Variants in MSN observed in about 807,000 individuals in gnomAD.
MSN encodes moesin, also known as epididymis luminal protein 70.
Under a neutral mutation model 48.0 loss-of-function variants are expected in MSN, and 2 were observed. That is an observed-to-expected ratio of 0.04 (90% CI 0.02 to 0.13). The LOEUF (loss-of-function observed/expected upper bound fraction) is 0.13, where lower values mean the gene tolerates loss of function less well. MSN is among the 10% of genes least tolerant of loss of function. The probability of loss-of-function intolerance (pLI) is 1.00; values close to 1 mark genes in which losing one functional copy is unlikely to be tolerated. For missense variants in MSN, 267 were observed against 470.1 expected, an observed-to-expected ratio of 0.57 and a Z score of 3.99; for synonymous variants, 146 against 166.9, an observed-to-expected ratio of 0.87 and a Z score of 0.97.
At chrX:65,651,509 T>C (rs1174447880) in intron 1 of MSN, among the ~76,000 whole-genome samples, 6 of 107,599 alleles carry the variant, frequency 5.6e-5, no homozygotes, top group African/African-American at 2.0e-4. Context: ...GGTGCTCTTT[T>C]TGTGGGGGAT....
At chrX:65,594,227 C>T (rs1029763470) in intron 1 of MSN, among the ~76,000 whole-genome samples, 24 of 111,764 alleles carry the variant, frequency 2.1e-4, no homozygotes, top group Non-Finnish European at 4.0e-4. Context: ...TTTAGAGAAG[C>T]GGGGGAATTT....
chrX:65,629,896 C>T (rs1408708719), intron 1 of MSN, among the ~76,000 whole-genome samples: 1 of 111,647 alleles, frequency 9.0e-6, no homozygotes, highest in Admixed American at 9.5e-5. Context: ...GTGTACAATT[C>T]ACTCAGGCGA....
At chrX:65,676,182 C>T (rs992867169) in intron 1 of MSN, among the ~76,000 whole-genome samples, 9 of 111,591 alleles carry the variant, frequency 8.1e-5, no homozygotes, top group African/African-American at 2.0e-4. Context: ...AGGAGTATGA[C>T]GTTTTCTGGC....
chrX:65,672,634 TTCTTC>T (rs1323348903), intron 1 of MSN, among the ~76,000 whole-genome samples: 1 of 111,828 alleles, frequency 8.9e-6, no homozygotes, highest in East Asian at 2.8e-4. Context: ...CTGAGAATTT[TTCTTC>T]TCTTTCCATA....
chrX:65,694,250 A>G (rs1310106504), intron 1 of MSN, among the ~76,000 whole-genome samples: 1 of 111,213 alleles, frequency 9.0e-6, no homozygotes, highest in Non-Finnish European at 1.9e-5. Flanking sequence ...CTCTTTAAGG[A>G]TTTGAGATCA....
chrX:65,589,857 T>C, intron 1 of MSN: 1 of 91,335 alleles, frequency 1.1e-5, no homozygotes, highest in Non-Finnish European at 1.9e-5. Context: ...TTCTTTTCTT[T>C]CTTTCTTTCT....
chrX:65,694,885 G>A (rs1334414403), intron 1 of MSN, among the ~76,000 whole-genome samples: 1 of 112,011 alleles, frequency 8.9e-6, no homozygotes, highest in Non-Finnish European at 1.9e-5. Context: ...AGAAAGGATG[G>A]TTATGGGGTG....
chrX:65,710,366 G>A (rs1321958471), intron 1 of MSN, among the ~76,000 whole-genome samples: 1 of 111,615 alleles, frequency 9.0e-6, no homozygotes, highest in Non-Finnish European at 1.9e-5. Flanking sequence ...CTTAAACATT[G>A]TGTTCCATTA....
chrX:65,683,671 T>C (rs1569461994), intron 1 of MSN, among the ~76,000 whole-genome samples: 1 of 110,988 alleles, frequency 9.0e-6, no homozygotes, highest in South Asian at 3.7e-4. Context: ...ACTTTTCCCA[T>C]CTGTTTTTTT....
At chrX:65,655,841 A>G (rs1310021742) in intron 1 of MSN, among the ~76,000 whole-genome samples, 1 of 112,227 alleles carries the variant, frequency 8.9e-6, no homozygotes, top group Admixed American at 9.4e-5. Context: ...ACCTTGGCTC[A>G]CTATAACCTC....
At chrX:65,708,607 C>T (rs756540417) in intron 1 of MSN, among the ~76,000 whole-genome samples, 2 of 111,075 alleles carry the variant, frequency 1.8e-5, no homozygotes, top group Non-Finnish European at 3.8e-5. Flanking sequence ...GTTTAACTTT[C>T]TGTGCCTGGC....
intron 1 of MSN, among the ~76,000 whole-genome samples, chrX:65,693,897 C>T: frequency 9.1e-6 from 1 of 110,324 alleles, no homozygotes; most frequent in Non-Finnish European, 1.9e-5. Context: ...ACTAAAAATA[C>T]AAAAAATTAG....
At chrX:65,734,049 G>T (rs1043524178) in intron 7 of MSN, among the ~76,000 whole-genome samples, 1 of 111,872 alleles carries the variant, frequency 8.9e-6, no homozygotes, top group African/African-American at 3.3e-5. Flanking sequence ...CTTTACTGCT[G>T]CCCTCTCAGA....
Position 65,739,786 on chromosome X carries a change from A to G in MSN, c.1627A>G (p.Met543Val). 2.5e-6 allele frequency: 3 copies of G among 1,211,421 alleles called. No homozygotes were observed. The highest frequency in any genetic ancestry group is 3.4e-6 in the Non-Finnish European group (3 of 895,308). The change falls in exon 13 of 13, where the codon ATG becomes GTG. Residue 543 changes from methionine to valine, a missense_variant. Met to Val is a conservative substitution (Grantham distance 21). Around this residue, in one of 5 missense-constraint regions of MSN, gnomAD observed 48 missense variants for 115.5 expected, o/e 0.42. Coordinates refer to ENST00000360270, the MANE Select transcript of MSN (RefSeq NM_002444.3). ...RDESKKTANDMIHAENMRLGR... is the reference protein window; with the variant it reads ...RDESKKTANDVIHAENMRLGR... ...TGAGTCCAAGAAGACTGCCAATGAC[A>G]TGATCCATGCTGAGAACATGCGACT... is the stretch of plus-strand genomic sequence containing the variant.
In MSN at chrX:65,729,487, G is replaced by A. The variant is rs772365732; in HGVS notation, c.242G>A (p.Arg81His). 1.2e-5 allele frequency: 14 copies of A among 1,209,564 alleles called. No individual in the cohort carries two copies. In the African/African-American group the frequency reaches 1.2e-4, roughly 11 times the overall value. ...RKESPLLFKF[R>H]AKFYPEDVSE... ...GAAAGCCCCCTGCTCTTTAAGTTCC[G>A]TGCCAAGTTCTACCCTGAGGATGTG... The change falls in exon 4 of 13, where the codon CGT becomes CAT. Residue 81 changes from arginine (R) to histidine (H), a missense_variant. Transcript: ENST00000360270.
At chrX:65,705,943 G>A (rs773381479) in intron 1 of MSN, among the ~76,000 whole-genome samples, 8 of 111,716 alleles carry the variant, frequency 7.2e-5, no homozygotes, top group Non-Finnish European at 1.3e-4. Flanking sequence ...AAAGGCACAG[G>A]CATAGGAAAG....
chrX:65,691,228 A>T (rs1353052971), intron 1 of MSN, among the ~76,000 whole-genome samples: 1 of 111,512 alleles, frequency 9.0e-6, no homozygotes, highest in East Asian at 2.8e-4. Flanking sequence ...GTGCAGAGTA[A>T]AATACCCCAC....
chrX:65,620,871 T>C (rs2070435895), intron 1 of MSN, among the ~76,000 whole-genome samples: 1 of 109,764 alleles, frequency 9.1e-6, no homozygotes, highest in Admixed American at 9.8e-5. Context: ...ATTTTCACTT[T>C]TTTTTTTTTT....
At chrX:65,618,644 G>A in intron 1 of MSN, among the ~76,000 whole-genome samples, 1 of 111,066 alleles carries the variant, frequency 9.0e-6, no homozygotes. Flanking sequence ...ACACTGTTGG[G>A]TCTTGACTCT....
Sources: allele counts gnomAD v4.1 joint callset (sites outside exome capture counted in the v4.1 genomes callset), GRCh38; gene constraint gnomAD v4.1.1; regional missense constraint gnomAD v4.1.1; transcripts MANE v1.5; gene names NCBI Gene and HGNC (gene_info 2026-07-23, HGNC 2026-07-21).